Variants in FAM3B observed in about 807,000 individuals in gnomAD.
FAM3B encodes FAM3 metabolism regulating signaling molecule B.
FAM3B carries 29 observed loss-of-function variants against 28.4 expected under a neutral mutation model. That is an observed-to-expected ratio of 1.02 (90% CI 0.76 to 1.39). The LOEUF (loss-of-function observed/expected upper bound fraction) is 1.39. Among genes scored for constraint, FAM3B ranks in the 40% most tolerant of loss-of-function variants. The pLI is 0.00. For synonymous variants in FAM3B, 91 were observed against 103.0 expected (o/e 0.88, Z 0.71); for missense variants, 266 against 293.9 (o/e 0.91, Z 0.69).
upstream of FAM3B, among the ~76,000 whole-genome samples, chr21:41,312,993 A>T (rs963883724): frequency 2.0e-5 from 3 of 152,284 alleles, no homozygotes; most frequent in Admixed American, 6.5e-5. Flanking sequence ...CATTGTTGGG[A>T]CCACAGATTG....
intron 5 of FAM3B, 54 bp downstream of exon 5, chr21:41,345,790 A>ATTTTC (rs763302627): frequency 2.5e-5 from 28 of 1,125,542 alleles, no homozygotes; most frequent in Middle Eastern, 2.0e-4. Flanking sequence ...GAAAATTAAG[A>ATTTTC]TTAAAAAGCA....
At chr21:41,355,805 C>A (rs901296573) in intron 7 of FAM3B, among the ~76,000 whole-genome samples, 13 of 152,246 alleles carry the variant, frequency 8.5e-5, no homozygotes, top group Non-Finnish European at 1.5e-4. Flanking sequence ...GAATTGTACA[C>A]TTTACATTGG....
intron 1 of FAM3B, chr21:41,320,772 C>T (rs920945756): frequency 1.3e-5 from 2 of 152,224 alleles, no homozygotes; most frequent in Non-Finnish European, 2.9e-5. Context: ...CAGATACTCT[C>T]TAGTCTTCCT....
chr21:41,311,236 CA>C (rs71848321), intron 1 of FAM3B, among the ~76,000 whole-genome samples: 320 of 23,492 alleles, frequency 0.014, 6 homozygotes, highest in Admixed American at 0.02. Context: ...CCTGTCTCTA[CA>C]AAAAAAAAAA....
At chr21:41,306,689 C>T (rs757428776) in intron 1 of FAM3B, among the ~76,000 whole-genome samples, 1 of 152,112 alleles carries the variant, frequency 6.6e-6, no homozygotes, top group Non-Finnish European at 1.5e-5. Flanking sequence ...TGTAAACAGA[C>T]GGGCTGTCAT....
chr21:41,346,993 T>C lies in FAM3B; in HGVS notation c.398-20T>C. On this transcript the variant is annotated intron_variant, in intron 5 of 7. Coordinates refer to ENST00000357985, the MANE Select transcript of FAM3B (RefSeq NM_058186.4). ...CAGTGAACAGCAAAGACCCTAAAACTGACTTGCATCCCCCAATAGATAACT... is the reference window on the plus strand; with the variant it reads ...CAGTGAACAGCAAAGACCCTAAAACCGACTTGCATCCCCCAATAGATAACT... The C allele has an allele frequency of 1.2e-6, 2 of 1,612,864 alleles. No individual in the cohort carries two copies. The highest frequency in any genetic ancestry group is 1.1e-5 in the South Asian group (1 of 91,066).
At chr21:41,337,232 G>A (rs1336965403) in intron 2 of FAM3B, among the ~76,000 whole-genome samples, 4 of 152,244 alleles carry the variant, frequency 2.6e-5, no homozygotes, top group Admixed American at 1.3e-4. Flanking sequence ...AGGTGAGAGA[G>A]TGAGAGAGTG....
chr21:41,338,341 G>T (rs781655602), intron 2 of FAM3B, 37 bp from the exon 3 acceptor site: 1 of 1,610,248 alleles, frequency 6.2e-7, no homozygotes, highest in Non-Finnish European at 8.5e-7. Flanking sequence ...AATTACTGTG[G>T]GATGTTAATG....
At chr21:41,353,185 A>C (rs1025410631) in intron 7 of FAM3B, among the ~76,000 whole-genome samples, 1 of 152,202 alleles carries the variant, frequency 6.6e-6, no homozygotes, top group Non-Finnish European at 1.5e-5. Context: ...AAGATATTCC[A>C]TGTTCATGGG....
intron 2 of FAM3B, among the ~76,000 whole-genome samples, chr21:41,332,865 A>C (rs1219168584): frequency 6.9e-6 from 1 of 145,470 alleles, no homozygotes. Context: ...TGTCAATTTT[A>C]TCTCTTTTCA....
chr21:41,304,352 CG>C (rs1568906411), intron 1 of FAM3B: 5 of 454,374 alleles, frequency 1.1e-5, no homozygotes, highest in Non-Finnish European at 2.2e-5. Context: ...GAAGGATGGA[CG>C]GGGCAGGACG....
intron 7 of FAM3B, among the ~76,000 whole-genome samples, chr21:41,356,106 A>G (rs1296262250): frequency 6.6e-6 from 1 of 151,616 alleles, no homozygotes; most frequent in African/African-American, 2.4e-5. Context: ...CCCAGAGTTG[A>G]AAACTAAACA....
chr21:41,329,933 A>G (rs1051580840), intron 2 of FAM3B, among the ~76,000 whole-genome samples: 5 of 152,122 alleles, frequency 3.3e-5, no homozygotes, highest in Non-Finnish European at 7.4e-5. Context: ...GAAAAAAATC[A>G]TTTGCTGAAT....
At chr21:41,344,610 G>C (rs533303716) in intron 4 of FAM3B, 76 bp downstream of exon 4, 4 of 1,228,030 alleles carry the variant, frequency 3.3e-6, no homozygotes, top group Non-Finnish European at 4.8e-6. Context: ...TTGGGTTTTC[G>C]AGACTTTTGC....
intron 1 of FAM3B, among the ~76,000 whole-genome samples, chr21:41,309,301 C>T (rs369992850): frequency 6.6e-5 from 10 of 152,226 alleles, no homozygotes; most frequent in African/African-American, 1.2e-4. Flanking sequence ...TAGCTTCAGC[C>T]TCCCCTTGGA....
chr21:41,339,810 A>G (rs531679059), intron 3 of FAM3B, among the ~76,000 whole-genome samples: 2 of 152,338 alleles, frequency 1.3e-5, no homozygotes, highest in African/African-American at 4.8e-5. Context: ...AGCCAATGGC[A>G]GTGGGAGGTA....
intron 1 of FAM3B, among the ~76,000 whole-genome samples, chr21:41,307,787 C>A (rs1212582496): frequency 6.6e-6 from 1 of 152,068 alleles, no homozygotes; most frequent in Non-Finnish European, 1.5e-5. Context: ...GTTCATGGCA[C>A]CCCCAAAATA....
At chr21:41,338,576 G>A in intron 3 of FAM3B, 75 bp downstream of exon 3, 1 of 1,582,924 alleles carries the variant, frequency 6.3e-7, no homozygotes, top group Non-Finnish European at 8.6e-7. Flanking sequence ...TGACCAAGCA[G>A]CAGTTCTGCC....
In FAM3B at chr21:41,335,254, T is replaced by G. The variant is rs1239311001; in HGVS notation, c.164-3124T>G. On this transcript the variant is annotated intron_variant, in intron 2 of 7. Coordinates refer to ENST00000357985, the MANE Select transcript of FAM3B (RefSeq NM_058186.4). ...CTATTGGGAAAGCATCATTGTATTT[T>G]GCAATGTGAGAAGGACAAGATATTT... 2.0e-5 allele frequency among the ~76,000 whole-genome samples: 3 copies of G among 152,146 alleles called. No individual in the cohort carries two copies. The East Asian group carries it at 5.8e-4, about 29-fold the overall frequency.
Sources: allele counts gnomAD v4.1 joint callset (sites outside exome capture counted in the v4.1 genomes callset), GRCh38; gene constraint gnomAD v4.1.1; transcripts MANE v1.5; gene names NCBI Gene and HGNC (gene_info 2026-07-23, HGNC 2026-07-21).